Variants in DNAH2 observed in about 807,000 individuals in gnomAD.
DNAH2 encodes the protein axonemal beta dynein heavy chain 2.
In DNAH2, 323 loss-of-function variants were observed where a neutral mutation model predicts 523.5. The observed-to-expected ratio is 0.62, with a 90% CI of 0.56 to 0.68. DNAH2 has a LOEUF of 0.68. Among genes scored for constraint, DNAH2 ranks in the 30% least tolerant of loss-of-function variants. The pLI, the probability that DNAH2 is intolerant of heterozygous loss-of-function variation, is 0.00. For missense variants in DNAH2, 4,907 were observed against 5,701.5 expected, an observed-to-expected ratio of 0.86 and a Z score of 4.49; for synonymous variants, 2,093 against 2,177.4, an observed-to-expected ratio of 0.96 and a Z score of 1.08.
chr17:7,754,481 T>C lies in DNAH2; in HGVS notation c.1905-2610T>C, dbSNP rs2075780076. On this transcript the variant is annotated intron_variant, in intron 12 of 85. Coordinates refer to ENST00000572933, the MANE Select transcript of DNAH2 (RefSeq NM_020877.5). The surrounding 1 kb of genome is among the most constrained non-coding windows in gnomAD (Gnocchi z 4.6). Reference sequence around the variant, plus strand: ...CCGCGATCACAAAGATACAAATCTCTTAAGGGGGTGGACTCCAAGTTCCTG... The same window carrying C: ...CCGCGATCACAAAGATACAAATCTCCTAAGGGGGTGGACTCCAAGTTCCTG... 2.8e-6 allele frequency: 2 copies of C among 722,734 alleles called. No homozygotes were observed. The highest frequency in any genetic ancestry group is 3.5e-5 in the African/African-American group (2 of 56,936). The allele number at this position is 722,734 out of a possible 1,614,324, so 44.8% of individuals were successfully genotyped here. A position where few individuals can be genotyped will look rare whatever the true frequency, so the allele number is the denominator to read the frequency against.
At position 7,821,307 on chromosome 17, in the gene DNAH2, A is replaced by G. The variant is rs757303006; in HGVS notation, c.11080A>G (p.Ile3694Val). 1 of 1,613,912 alleles carries G rather than the reference A, an allele frequency of 6.2e-7. No homozygotes were observed. The highest frequency in any genetic ancestry group is 8.5e-7 in the Non-Finnish European group (1 of 1,179,914). ...ATTCAGTTTTCATATGTGTGCCAAA[A>G]TCTTGGAGACTTCTGGCAAGCTCAA... ...LLFSFHMCAKILETSGKLNMD... is the reference protein window; with the variant it reads ...LLFSFHMCAKVLETSGKLNMD... Residue 3694 changes from isoleucine (I) to valine (V), a missense_variant, in exon 73 of 86, where the codon ATC becomes GTC. Ile to Val is a conservative substitution (Grantham distance 29). Around this residue, in one of 3 missense-constraint regions of DNAH2, gnomAD observed 1,851 missense variants for 2,139.4 expected, o/e 0.87. Coordinates refer to ENST00000572933, the MANE Select transcript of DNAH2 (RefSeq NM_020877.5). The surrounding 1 kb of genome is among the most constrained non-coding windows in gnomAD (Gnocchi z 5.0).
In DNAH2 at chr17:7,831,202, A is replaced by G; in HGVS notation, c.12347A>G (p.Asn4116Ser). The change falls in exon 80 of 86, where the codon AAT (asparagine) becomes AGT (serine). Residue 4116 changes from asparagine (N) to serine (S), a missense_variant. Transcript: ENST00000572933. This position sits in a 1 kb window ranked among gnomAD's most constrained non-coding sequence, Gnocchi z 4.2. Reference protein sequence around the residue: ...DPPEAFGQHPNADVASQITEA... With the variant: ...DPPEAFGQHPSADVASQITEA... Reference sequence around the variant, plus strand: ...CCTGAGGCCTTTGGCCAGCACCCCAATGCTGATGTGGCCTCTCAGATCACT... The same window carrying G: ...CCTGAGGCCTTTGGCCAGCACCCCAGTGCTGATGTGGCCTCTCAGATCACT... 1.2e-6 allele frequency: 2 copies of G among 1,614,180 alleles called. No homozygotes were observed. Among genetic ancestry groups the G allele is most frequent in the Non-Finnish European group, 1.7e-6 (2 of 1,180,022 alleles).
At chr17:7,764,564 G>A (rs781060501) in intron 20 of DNAH2, among the ~76,000 whole-genome samples, 3 of 151,202 alleles carry the variant, frequency 2.0e-5, no homozygotes, top group Non-Finnish European at 4.4e-5. Context: ...AGGCTCAAGT[G>A]ATTCTCCTAC....
chr17:7,806,729 C>T (rs1007413784), intron 61 of DNAH2, among the ~76,000 whole-genome samples: 1 of 151,458 alleles, frequency 6.6e-6, no homozygotes, highest in African/African-American at 2.4e-5. Flanking sequence ...TGCCCTCAGG[C>T]CCCCAGAGGG....
intron 77 of DNAH2, among the ~76,000 whole-genome samples, chr17:7,826,315 C>T (rs1218887688): frequency 3.3e-5 from 5 of 152,120 alleles, no homozygotes; most frequent in Non-Finnish European, 5.9e-5. Flanking sequence ...AGGTGTGAGC[C>T]ACCGTGCCCA....
At chr17:7,823,793 G>T (rs775558560) in intron 74 of DNAH2, 41 bp from the exon 75 acceptor site, 1 of 1,606,584 alleles carries the variant, frequency 6.2e-7, no homozygotes, top group South Asian at 1.1e-5. Context: ...CGCTCTTCCA[G>T]ACTCACTCCC....
chr17:7,763,958 G>A lies in DNAH2; in HGVS notation c.3106G>A (p.Ala1036Thr), dbSNP rs773877994. ...QHCNEWQNKF[A>T]TLLREMAAGR... ...CTGCAATGAATGGCAGAACAAGTTCGCGACTCTGCTCAGGGAGATGGCTGC... is the reference window on the plus strand; with the variant it reads ...CTGCAATGAATGGCAGAACAAGTTCACGACTCTGCTCAGGGAGATGGCTGC... The change falls in exon 19 of 86, where the codon GCG becomes ACG. Residue 1036 changes from alanine to threonine, a missense_variant. Around this residue, in one of 3 missense-constraint regions of DNAH2, gnomAD observed 2,806 missense variants for 3,190.8 expected, o/e 0.88. Coordinates refer to ENST00000572933, the MANE Select transcript of DNAH2 (RefSeq NM_020877.5). The A allele has an allele frequency of 4.0e-5, 65 of 1,614,058 alleles. No individual in the cohort carries two copies. Among genetic ancestry groups the A allele is most frequent in the Non-Finnish European group, 5.2e-5 (61 of 1,180,034 alleles).
intron 29 of DNAH2, 89 bp from the exon 30 acceptor site, chr17:7,775,152 G>A (rs905985122): frequency 7.5e-7 from 1 of 1,340,792 alleles, no homozygotes; most frequent in Non-Finnish European, 1.0e-6. Flanking sequence ...GGGGAGAGGA[G>A]CAGTAATTAT....
In DNAH2 at chr17:7,743,066, T is replaced by G. The variant is rs2075400554; in HGVS notation, c.1828T>G (p.Cys610Gly). ...GTGGACATCAAGTCTGGACAAGGAT[T>G]GCATTCGGCGGTTGGATACCCCATT... ...QEWTSSLDKD[C>G]IRRLDTPLLR... Residue 610 changes from cysteine to glycine, a missense_variant, in exon 12 of 86, where the codon TGC becomes GGC. By Grantham distance (159) the Cys-to-Gly change is radical. Around this residue, in one of 3 missense-constraint regions of DNAH2, gnomAD observed 2,806 missense variants for 3,190.8 expected, o/e 0.88. Coordinates refer to ENST00000572933, the MANE Select transcript of DNAH2 (RefSeq NM_020877.5). The G allele has an allele frequency of 6.5e-7, 1 of 1,536,806 alleles. No homozygotes were observed.
intron 77 of DNAH2, 116 bp from the exon 78 acceptor site, chr17:7,830,184 C>A: frequency 1.8e-6 from 2 of 1,112,160 alleles, no homozygotes; most frequent in Non-Finnish European, 2.6e-6. Context: ...CCTCCACTCA[C>A]CCTTTCAGCC....
At position 7,780,310 on chromosome 17, in the gene DNAH2, G is replaced by A; in HGVS notation, c.5850+26G>A. The A allele has an allele frequency of 6.2e-7, 1 of 1,613,628 alleles. No homozygotes were observed. Among genetic ancestry groups the A allele is most frequent in the Non-Finnish European group, 8.5e-7 (1 of 1,179,916 alleles). ...GTACTCCAATAACCCCTTTTCTCCA[G>A]TGATTTTAATTTCCTTTCATAATTA... On this transcript the variant is annotated intron_variant, in intron 37 of 85. Transcript: ENST00000572933. The surrounding 1 kb of genome is among the most constrained non-coding windows in gnomAD (Gnocchi z 4.4).
Position 7,787,788 on chromosome 17 carries a change from C to G in DNAH2, c.6604-72C>G, listed in dbSNP as rs1951992600. On this transcript the variant is annotated intron_variant, in intron 42 of 85. Coordinates refer to ENST00000572933, the MANE Select transcript of DNAH2 (RefSeq NM_020877.5). ...TTTGTGAACTTGTAGCATCCGAGTTCCGGGTGTTTTATTATTCCTGAAGGT... is the reference window on the plus strand; with the variant it reads ...TTTGTGAACTTGTAGCATCCGAGTTGCGGGTGTTTTATTATTCCTGAAGGT... 4.1e-6 allele frequency: 6 copies of G among 1,458,722 alleles called. No homozygotes were observed. In the South Asian group the frequency reaches 8.2e-5, roughly 20 times the overall value. The allele number at this position is 1,458,722 out of a possible 1,614,324, so 90.4% of individuals were successfully genotyped here. A position where few individuals can be genotyped will look rare whatever the true frequency, so the allele number is the denominator to read the frequency against.
At chr17:7,773,854 C>G (rs1387003154) in intron 28 of DNAH2, among the ~76,000 whole-genome samples, 2 of 152,076 alleles carry the variant, frequency 1.3e-5, no homozygotes, top group East Asian at 3.9e-4. Flanking sequence ...CTCAGCCTCC[C>G]GAGTAGCTTG....
At chr17:7,789,268 A>G (rs1172069052) in intron 44 of DNAH2, among the ~76,000 whole-genome samples, 1 of 152,218 alleles carries the variant, frequency 6.6e-6, no homozygotes, top group East Asian at 1.9e-4. Flanking sequence ...GTCAAGAAGG[A>G]CGGGCTGGGT....
At chr17:7,759,745 C>T (rs770169167) in intron 16 of DNAH2, 46 bp from the exon 17 acceptor site, 2 of 1,612,426 alleles carry the variant, frequency 1.2e-6, no homozygotes, top group African/African-American at 1.3e-5. Flanking sequence ...GTGTGACCTT[C>T]CCAGTCCTAA....
Position 7,832,962 on chromosome 17 carries a change from A to T in DNAH2, c.12978+34A>T. 2.5e-6 allele frequency: 4 copies of T among 1,614,060 alleles called. No individual in the cohort carries two copies. Among genetic ancestry groups the T allele is most frequent in the Non-Finnish European group, 3.4e-6 (4 of 1,179,962 alleles). ...CAGTTGTGCTTGGGGCTCTGAGCAA[A>T]AGAGGGTACTGGAAATAATTGGACG... On this transcript the variant is annotated intron_variant, in intron 84 of 85. Transcript: ENST00000572933. The surrounding 1 kb of genome is among the most constrained non-coding windows in gnomAD (Gnocchi z 4.3).
At chr17:7,763,640 G>T (rs770333394) in intron 18 of DNAH2, among the ~76,000 whole-genome samples, 191 bp from the exon 19 acceptor site, 1 of 152,226 alleles carries the variant, frequency 6.6e-6, no homozygotes, top group Non-Finnish European at 1.5e-5. Flanking sequence ...GCCAGTGACT[G>T]GGAAAATGAC....
intron 64 of DNAH2, 72 bp from the exon 65 acceptor site, chr17:7,817,218 C>T: frequency 6.5e-7 from 1 of 1,540,692 alleles, no homozygotes; most frequent in Non-Finnish European, 8.7e-7. Context: ...AAGAGGGTGC[C>T]TTCAAAAGCA....
In DNAH2 at chr17:7,772,960, G is replaced by A. The variant is rs142926311; in HGVS notation, c.4501+1492G>A. On this transcript the variant is annotated intron_variant, in intron 28 of 85. Transcript: ENST00000572933. Reference sequence around the variant, plus strand: ...GCTAAGTTTGTATTTTTTTAGTAGAGACGGTGTTTCACCATGTTGGTCAGG... The same window carrying A: ...GCTAAGTTTGTATTTTTTTAGTAGAAACGGTGTTTCACCATGTTGGTCAGG... Among the ~76,000 whole-genome samples, 147 of 152,004 alleles carry A rather than the reference G, an allele frequency of 9.7e-4. 4 individuals carry two copies. Among genetic ancestry groups the A allele is most frequent in the African/African-American group, 3.1e-4 (13 of 41,454 alleles).
Sources: gnomAD v4.1 joint callset for allele counts (sites outside exome capture counted in the v4.1 genomes callset) on GRCh38, gnomAD v4.1.1 for gene constraint, gnomAD v4.1.1 regional missense constraint, Gnocchi (gnomAD v3.1) non-coding constraint, MANE v1.5 for transcripts, NCBI Gene and HGNC (gene_info 2026-07-23, HGNC 2026-07-21) for gene names.